Variants in BNC2 observed in about 807,000 individuals in gnomAD.
BNC2 encodes basonuclin zinc finger protein 2.
BNC2 carries 20 observed loss-of-function variants against 76.3 expected under a neutral mutation model. The observed-to-expected ratio is 0.26, with a 90% confidence interval of 0.18 to 0.38. The LOEUF (loss-of-function observed/expected upper bound fraction) is 0.38. Ranked by LOEUF, BNC2 falls within the 10% of genes least tolerant of loss-of-function variation. BNC2 has a pLI of 1.00. For missense variants in BNC2, 1,382 were observed against 1,399.8 expected, an observed-to-expected ratio of 0.99 and a Z score of 0.20; for synonymous variants, 582 against 514.8, an observed-to-expected ratio of 1.13 and a Z score of -1.77.
At chr9:16,648,093 A>T (rs1448909622) in intron 3 of BNC2, among the ~76,000 whole-genome samples, 1 of 152,126 alleles carries the variant, frequency 6.6e-6, no homozygotes, top group African/African-American at 2.4e-5. Context: ...GTGTGTGTTT[A>T]AAAAAAGACA....
chr9:16,838,695 C>A (rs1006972017), intron 1 of BNC2, among the ~76,000 whole-genome samples: 2 of 152,204 alleles, frequency 1.3e-5, no homozygotes, highest in Non-Finnish European at 2.9e-5. Flanking sequence ...TTTTCAGATT[C>A]CCCAACTTAG....
At chr9:16,684,021 C>T (rs1822902000) in intron 3 of BNC2, among the ~76,000 whole-genome samples, 1 of 152,150 alleles carries the variant, frequency 6.6e-6, no homozygotes, top group South Asian at 2.1e-4. Context: ...CAGAATGTTA[C>T]TTTAACCTGT....
rs754134440 is a variant in BNC2, at chr9:16,437,328, T to C, written c.866A>G (p.Asn289Ser). ...GAGGCTGGGACTCCTGGTGCGATTA[T>C]TGCTCTCAATGAAAGTCCTTATATC... ...DSDIRTFIESNNRTRSPSLLA... is the reference protein window; with the variant it reads ...DSDIRTFIESSNRTRSPSLLA... Residue 289 changes from asparagine (N) to serine (S), a missense_variant, in exon 6 of 7, where the codon AAT becomes AGT. Asn to Ser is a conservative substitution (Grantham distance 46). Around this residue, in one of 3 missense-constraint regions of BNC2, gnomAD observed 557 missense variants for 540.9 expected, o/e 1.03. Transcript: ENST00000380672. 8.7e-6 allele frequency: 14 copies of C among 1,614,166 alleles called. No individual in the cohort carries two copies. The highest frequency in any genetic ancestry group is 1.0e-5 in the Non-Finnish European group (12 of 1,180,032).
At chr9:16,638,614 A>ATGGTTTTT (rs1821396476) in intron 3 of BNC2, among the ~76,000 whole-genome samples, 4 of 152,162 alleles carry the variant, frequency 2.6e-5, no homozygotes, top group African/African-American at 9.7e-5. Context: ...AAACCCTTAC[A>ATGGTTTTT]TATAGGTTAT....
At chr9:16,511,709 G>T (rs987825580) in intron 5 of BNC2, among the ~76,000 whole-genome samples, 20 of 152,042 alleles carry the variant, frequency 1.3e-4, no homozygotes, top group Non-Finnish European at 2.5e-4. Flanking sequence ...GATTACAGGC[G>T]TGAGACACAC....
intron 3 of BNC2, among the ~76,000 whole-genome samples, chr9:16,640,094 A>C (rs923581360): frequency 1.9e-4 from 29 of 150,516 alleles, no homozygotes; most frequent in Non-Finnish European, 3.6e-4. Flanking sequence ...CTTCTTCACA[A>C]AAAAAAAAAT....
chr9:16,442,342 T>C (rs1417439655), intron 5 of BNC2, among the ~76,000 whole-genome samples: 5 of 152,234 alleles, frequency 3.3e-5, no homozygotes, highest in African/African-American at 1.2e-4. Flanking sequence ...AGACTTCCTT[T>C]TGTTACTTCA....
chr9:16,441,992 T>C (rs769958889), intron 5 of BNC2, among the ~76,000 whole-genome samples: 4 of 152,292 alleles, frequency 2.6e-5, no homozygotes, highest in Admixed American at 2.6e-4. Flanking sequence ...ATGAATAATA[T>C]GTTAACATCA....
intron 1 of BNC2, among the ~76,000 whole-genome samples, chr9:16,858,410 C>T (rs1370010740): frequency 1.3e-5 from 2 of 152,142 alleles, no homozygotes; most frequent in Non-Finnish European, 2.9e-5. Flanking sequence ...TGGAGTACTA[C>T]CAAGACTTTT....
At chr9:16,736,612 A>G (rs1824678932) in intron 2 of BNC2, among the ~76,000 whole-genome samples, 1 of 151,184 alleles carries the variant, frequency 6.6e-6, no homozygotes, top group African/African-American at 2.4e-5. Context: ...AGTAGCTGAG[A>G]TTACAGGTGC....
At chr9:16,642,750 C>T (rs1821524135) in intron 3 of BNC2, among the ~76,000 whole-genome samples, 1 of 152,142 alleles carries the variant, frequency 6.6e-6, no homozygotes, top group African/African-American at 2.4e-5. Flanking sequence ...ATACAGTCTA[C>T]AGTCCCTATG....
intron 3 of BNC2, among the ~76,000 whole-genome samples, chr9:16,652,650 T>A (rs1360198342): frequency 2.0e-5 from 3 of 152,188 alleles, no homozygotes; most frequent in Admixed American, 6.5e-5. Context: ...GCACATGATA[T>A]CATCACTTTT....
chr9:16,822,487 G>C (rs1372769453), intron 1 of BNC2, among the ~76,000 whole-genome samples: 1 of 152,148 alleles, frequency 6.6e-6, no homozygotes, highest in Non-Finnish European at 1.5e-5. Context: ...CAGCCATCTA[G>C]AGTGAACTAG....
At chr9:16,832,314 G>C (rs1818594781) in intron 1 of BNC2, 1 of 1,271,146 alleles carries the variant, frequency 7.9e-7, no homozygotes, top group Non-Finnish European at 1.0e-6. Flanking sequence ...GGGAAAAGAA[G>C]CCATGAAGCA....
chr9:16,777,021 T>C (rs2135510075), intron 1 of BNC2, among the ~76,000 whole-genome samples: 1 of 151,498 alleles, frequency 6.6e-6, no homozygotes, highest in African/African-American at 2.4e-5. Context: ...AGCTACTCAG[T>C]AGGTTGAGGC....
intron 6 of BNC2, chr9:16,431,621 C>G (rs1820909575): frequency 1.1e-5 from 3 of 284,690 alleles, no homozygotes; most frequent in Non-Finnish European, 2.3e-5. Context: ...CTTTCAAAAT[C>G]TAACACTACA....
intron 3 of BNC2, among the ~76,000 whole-genome samples, chr9:16,601,097 C>T (rs1320783441): frequency 6.6e-6 from 1 of 152,160 alleles, no homozygotes; most frequent in African/African-American, 2.4e-5. Context: ...ACAATCTCAT[C>T]TTCTTTAGCT....
rs541855413 is a variant in BNC2, at chr9:16,842,225, C to T, written c.3+28421G>A. Among the ~76,000 whole-genome samples, 5 of 152,252 alleles carry T rather than the reference C, an allele frequency of 3.3e-5. No homozygotes were observed. In the East Asian group the frequency reaches 9.6e-4, roughly 29 times the overall value. ...TAGTATCTTGCAAACTGTTGACCTA[C>T]CAAACTAGTAAGAGAAATTCACTTA... On this transcript the variant is annotated intron_variant, in intron 1 of 6. Transcript: ENST00000380672.
At chr9:16,734,397 AG>A (rs1563919715) in intron 2 of BNC2, among the ~76,000 whole-genome samples, 1 of 152,228 alleles carries the variant, frequency 6.6e-6, no homozygotes, top group Admixed American at 6.5e-5. Flanking sequence ...AGATTCAAAT[AG>A]GAAGGAAAAA....
Sources: gnomAD v4.1 joint callset for allele counts (sites outside exome capture counted in the v4.1 genomes callset) on GRCh38, gnomAD v4.1.1 for gene constraint, gnomAD v4.1.1 regional missense constraint, MANE v1.5 for transcripts, NCBI Gene and HGNC (gene_info 2026-07-23, HGNC 2026-07-21) for gene names.